MAP3K20: variants seen among roughly 807,000 people sequenced by gnomAD.
MAP3K20 encodes the protein mitogen-activated protein kinase kinase kinase 20, also known as HCCS-4.
A neutral mutation model predicts 85.7 loss-of-function variants in MAP3K20; 40 were observed. That is an observed-to-expected ratio of 0.47 (90% CI 0.36 to 0.61). MAP3K20 has a LOEUF of 0.61. MAP3K20 is among the 20% of genes least tolerant of loss of function. MAP3K20 has a pLI of 0.00. For synonymous variants in MAP3K20, 325 were observed against 327.7 expected (o/e 0.99, Z 0.09); for missense variants, 817 against 961.7 (o/e 0.85, Z 1.99).
chr2:173,165,111 A>G (rs1035977840), intron 2 of MAP3K20, among the ~76,000 whole-genome samples: 3 of 151,994 alleles, frequency 2.0e-5, no homozygotes, highest in Admixed American at 1.3e-4. Context: ...TATATCTCAG[A>G]TTGGGGCCCT....
At chr2:173,173,355 C>G (rs937717256) in intron 3 of MAP3K20, among the ~76,000 whole-genome samples, 1 of 152,056 alleles carries the variant, frequency 6.6e-6, no homozygotes, top group African/African-American at 2.4e-5. Flanking sequence ...GAAAGGGTGG[C>G]AGACTGGGTT....
chr2:173,246,468 T>A (rs1393322024), intron 16 of MAP3K20, among the ~76,000 whole-genome samples: 2 of 152,204 alleles, frequency 1.3e-5, no homozygotes, highest in East Asian at 3.8e-4. Flanking sequence ...CCCCTTTTTA[T>A]TAAAATATTC....
intron 11 of MAP3K20, among the ~76,000 whole-genome samples, chr2:173,218,154 G>A (rs765877569): frequency 1.8e-4 from 27 of 152,128 alleles, no homozygotes; most frequent in Admixed American, 6.5e-4. Flanking sequence ...CTGAAATGCC[G>A]CTCGTTTTGT....
chr2:173,224,982 TA>T, intron 11 of MAP3K20: 1 of 706,298 alleles, frequency 1.4e-6, no homozygotes, highest in Non-Finnish European at 1.7e-6. Flanking sequence ...ATTTAGAGGT[TA>T]AAAGAAACAG....
In MAP3K20 at chr2:173,266,278, C is replaced by A; in HGVS notation, c.1931C>A (p.Thr644Asn). ...TCGTCTCCTACTCAGTATGGACTGA[C>A]CAAAAACTTCTCTTCCCTACATCTC... ...RSSSPTQYGL[T>N]KNFSSLHLNS... Residue 644 changes from threonine to asparagine, a missense_variant, in exon 20 of 20, where the codon ACC becomes AAC. Thr to Asn is a moderately conservative substitution (Grantham distance 65). This residue lies in a region of MAP3K20 where 454 missense variants were observed against 476.9 expected (regional missense o/e 0.95). Coordinates refer to ENST00000375213, the MANE Select transcript of MAP3K20 (RefSeq NM_016653.3). 2 of 1,614,078 alleles carry A rather than the reference C, an allele frequency of 1.2e-6. No individual in the cohort carries two copies. Among genetic ancestry groups the A allele is most frequent in the Non-Finnish European group, 1.7e-6 (2 of 1,180,010 alleles).
intron 2 of MAP3K20, among the ~76,000 whole-genome samples, chr2:173,140,770 T>C (rs546435284): frequency 2.5e-4 from 38 of 152,316 alleles, no homozygotes; most frequent in Non-Finnish European, 5.0e-4. Context: ...GTATCTTGAC[T>C]GTGGTAGGAA....
intron 2 of MAP3K20, among the ~76,000 whole-genome samples, chr2:173,153,067 G>C (rs561971207): frequency 5.3e-5 from 8 of 152,132 alleles, no homozygotes; most frequent in Non-Finnish European, 1.0e-4. Context: ...TAAGGTGTAT[G>C]GGAAACAAAC....
chr2:173,195,522 T>A (rs554844029), intron 7 of MAP3K20, among the ~76,000 whole-genome samples: 5 of 152,334 alleles, frequency 3.3e-5, no homozygotes, highest in African/African-American at 1.2e-4. Context: ...AAGATCACAA[T>A]AATATTTGGC....
rs147607034 is a variant in MAP3K20 at position 173,240,928 on chromosome 2, G to A, written c.1359+1432G>A. Among the ~76,000 whole-genome samples, 173 of 152,296 alleles carry A rather than the reference G, an allele frequency of 1.1e-3. 2 individuals carry two copies. The highest frequency in any genetic ancestry group is 4.0e-3 in the African/African-American group (167 of 41,560). ...TGGTACATATACACAATGGCATACCGTTCCCAAACAGAATGAAATCTTGTC... is the reference window on the plus strand; with the variant it reads ...TGGTACATATACACAATGGCATACCATTCCCAAACAGAATGAAATCTTGTC... On this transcript the variant is annotated intron_variant, in intron 16 of 19. Transcript: ENST00000375213.
chr2:173,131,684 G>A (rs1203713984), intron 2 of MAP3K20, among the ~76,000 whole-genome samples: 1 of 152,152 alleles, frequency 6.6e-6, no homozygotes, highest in African/African-American at 2.4e-5. Flanking sequence ...AAAATCATGT[G>A]TAGAAATATA....
Position 173,232,402 on chromosome 2 carries a change from G to A in MAP3K20, c.1146G>A (p.Glu382=), listed in dbSNP as rs766663842. ...CAGGGAAGCGGCTGCTGCTGCTGGA[G>A]GAAGAAGACCTGAAAGACATGGGCA... The part of the protein sequence containing the change: ...NITGKRLLLL[E]EEDLKDMGIV... The change falls in exon 14 of 20, where the codon GAG becomes GAA. Residue 382 remains glutamate, a synonymous_variant. Transcript: ENST00000375213. The A allele has an allele frequency of 5.6e-6, 9 of 1,614,102 alleles. No homozygotes were observed. The highest frequency in any genetic ancestry group is 6.8e-6 in the Non-Finnish European group (8 of 1,180,056).
chr2:173,085,541 C>G (rs1449746859), intron 1 of MAP3K20, among the ~76,000 whole-genome samples: 1 of 152,082 alleles, frequency 6.6e-6, no homozygotes, highest in Non-Finnish European at 1.5e-5. Context: ...ACATTCTACT[C>G]AAGTAGTGAA....
chr2:173,088,857 T>C (rs754193515), intron 1 of MAP3K20, among the ~76,000 whole-genome samples: 1 of 152,240 alleles, frequency 6.6e-6, no homozygotes, highest in Non-Finnish European at 1.5e-5. Context: ...AAACTGTTGA[T>C]TCACATATGT....
In MAP3K20 at chr2:173,266,780, G is replaced by A. The variant is rs756940240; in HGVS notation, c.*30G>A. 13 of 885,222 alleles carry A rather than the reference G, an allele frequency of 1.5e-5. No individual in the cohort carries two copies. Among genetic ancestry groups the A allele is most frequent in the African/African-American group, 1.3e-4 (7 of 52,506 alleles). 54.8% of individuals were successfully genotyped at this position (885,222 alleles called of 1,614,324 possible). A position where few individuals can be genotyped will look rare whatever the true frequency, so the allele number is the denominator to read the frequency against. ...TTGAACTACATAGCTTTTCTAAGCAGGTTAAAAAAAAAAAAAAAAAGAAAT... is the reference window on the plus strand; with the variant it reads ...TTGAACTACATAGCTTTTCTAAGCAAGTTAAAAAAAAAAAAAAAAAGAAAT... On this transcript the variant is annotated 3_prime_UTR_variant, in exon 20 of 20. Coordinates refer to ENST00000375213, the MANE Select transcript of MAP3K20 (RefSeq NM_016653.3).
At chr2:173,171,062 T>G (rs1689986077) in intron 3 of MAP3K20, among the ~76,000 whole-genome samples, 1 of 152,168 alleles carries the variant, frequency 6.6e-6, no homozygotes, top group African/African-American at 2.4e-5. Flanking sequence ...CAATTCACTG[T>G]CTTTAGATTT....
chr2:173,095,255 C>T (rs1216515420), intron 2 of MAP3K20, among the ~76,000 whole-genome samples: 1 of 152,078 alleles, frequency 6.6e-6, no homozygotes, highest in Non-Finnish European at 1.5e-5. Flanking sequence ...GATTTTCTTA[C>T]TTCAGGCACA....
chr2:173,224,368 A>ATT, intron 11 of MAP3K20: 1 of 985,398 alleles, frequency 1.0e-6, no homozygotes, highest in Non-Finnish European at 1.2e-6. Context: ...TGAAATGGAC[A>ATT]TTTTTTCTTA....
chr2:173,250,382 A>G (rs1574157555), intron 16 of MAP3K20, among the ~76,000 whole-genome samples: 1 of 152,158 alleles, frequency 6.6e-6, no homozygotes. Flanking sequence ...CAGCAGGGAG[A>G]AGGAAATAGG....
intron 2 of MAP3K20, among the ~76,000 whole-genome samples, chr2:173,140,717 G>A (rs1001601222): frequency 6.6e-6 from 1 of 152,174 alleles, no homozygotes; most frequent in African/African-American, 2.4e-5. Flanking sequence ...AATGGATCAT[G>A]TGAAGAGGGT....
Sources: allele counts gnomAD v4.1 joint callset (sites outside exome capture counted in the v4.1 genomes callset), GRCh38; gene constraint gnomAD v4.1.1; regional missense constraint gnomAD v4.1.1; transcripts MANE v1.5; gene names NCBI Gene and HGNC (gene_info 2026-07-23, HGNC 2026-07-21).